The following CDH4 variants were observed in gnomAD, a reference collection of about 807,000 sequenced individuals.
CDH4 encodes the protein cadherin-4.
In CDH4, 33 loss-of-function variants were observed where a neutral mutation model predicts 86.0. The ratio of observed to expected loss-of-function variants is 0.38; its 90% CI spans 0.29 to 0.51. The LOEUF (loss-of-function observed/expected upper bound fraction) is 0.51, where lower values mean the gene tolerates loss of function less well. Among genes scored for constraint, CDH4 ranks in the 20% least tolerant of loss-of-function variants. The pLI is 0.86. For synonymous variants in CDH4, 555 were observed against 549.4 expected (o/e 1.01, Z -0.14); for missense variants, 1,114 against 1,307.4 (o/e 0.85, Z 2.28).
intron 2 of CDH4, among the ~76,000 whole-genome samples, chr20:61,534,247 G>T (rs2085977226): frequency 6.6e-6 from 1 of 152,190 alleles, no homozygotes; most frequent in South Asian, 2.1e-4. Flanking sequence ...GATTGAGAGT[G>T]TTCCATTTTT....
chr20:61,706,163 G>A (rs1036110764), intron 2 of CDH4, among the ~76,000 whole-genome samples: 1 of 152,194 alleles, frequency 6.6e-6, no homozygotes, highest in Non-Finnish European at 1.5e-5. Flanking sequence ...CTCGGCAACT[G>A]TTCTCTGTAA....
At chr20:61,634,856 T>C (rs2086930710) in intron 2 of CDH4, among the ~76,000 whole-genome samples, 1 of 152,210 alleles carries the variant, frequency 6.6e-6, no homozygotes, top group African/African-American at 2.4e-5. Flanking sequence ...CCACTGTCCG[T>C]CTCTGTGATT....
chr20:61,321,753 A>G (rs2084509676), intron 2 of CDH4, among the ~76,000 whole-genome samples: 1 of 152,208 alleles, frequency 6.6e-6, no homozygotes, highest in Non-Finnish European at 1.5e-5. Context: ...CGCATGTCAC[A>G]TGATGCCGTG....
chr20:61,911,462 G>A (rs562785641), intron 9 of CDH4, among the ~76,000 whole-genome samples: 1 of 152,316 alleles, frequency 6.6e-6, no homozygotes, highest in South Asian at 2.1e-4. Context: ...TTAGTGTGAA[G>A]AAGTTTAGCA....
intron 2 of CDH4, among the ~76,000 whole-genome samples, chr20:61,304,500 T>C (rs1368189244): frequency 6.6e-6 from 1 of 151,624 alleles, no homozygotes. Context: ...TGTGAATGTG[T>C]GTGTATGTGC....
chr20:61,285,581 A>G (rs956222272), intron 2 of CDH4, among the ~76,000 whole-genome samples: 1 of 152,272 alleles, frequency 6.6e-6, no homozygotes, highest in Non-Finnish European at 1.5e-5. Context: ...TGATGGCACC[A>G]TAATGATGAC....
At chr20:61,442,633 G>A (rs142612354) in intron 2 of CDH4, among the ~76,000 whole-genome samples, 2 of 152,360 alleles carry the variant, frequency 1.3e-5, no homozygotes, top group African/African-American at 4.8e-5. Context: ...AAGGCAAAAC[G>A]TGGGGTGCTT....
At chr20:61,468,255 C>T (rs1049882562) in intron 2 of CDH4, among the ~76,000 whole-genome samples, 2 of 152,130 alleles carry the variant, frequency 1.3e-5, no homozygotes, top group African/African-American at 4.8e-5. Flanking sequence ...CCCAAGGTGC[C>T]CAGGGAAAGA....
intron 2 of CDH4, among the ~76,000 whole-genome samples, chr20:61,382,302 T>G (rs6587242): frequency 0.25 from 37,467 of 151,920 alleles, 4,998 homozygotes; most frequent in African/African-American, 0.34. Flanking sequence ...TATGGAAAGG[T>G]AGGTGGTGTG....
chr20:61,910,537 G>A lies in CDH4; in HGVS notation c.1304G>A (p.Gly435Glu). 2 of 1,613,980 alleles carry A rather than the reference G, an allele frequency of 1.2e-6. No homozygotes were observed. The highest frequency in any genetic ancestry group is 1.7e-6 in the Non-Finnish European group (2 of 1,180,036). ...NWNAVYRIIS[G>E]DPSGHFSVRT... ...AATGCCGTTTACCGCATCATCAGTG[G>A]GGATCCATCCGGGCACTTCAGCGTC... The change falls in exon 9 of 16, where the codon GGG (glycine) becomes GAG (glutamate). Residue 435 changes from glycine (G) to glutamate (E), a missense_variant. Gly to Glu is a moderately conservative substitution (Grantham distance 98). Around this residue, in one of 3 missense-constraint regions of CDH4, gnomAD observed 705 missense variants for 914.1 expected, o/e 0.77. Transcript: ENST00000614565.
chr20:61,544,270 C>T lies in CDH4; in HGVS notation c.170-199293C>T, dbSNP rs550404174. ...GTATATGGCGGGGTACGGCTGACAT[C>T]GAGCGGGTGGAGGCTGGGTACGGCT... On this transcript the variant is annotated intron_variant, in intron 2 of 15. Transcript: ENST00000614565. The surrounding 1 kb of genome is among the most constrained non-coding windows in gnomAD (Gnocchi z 6.5). Among the ~76,000 whole-genome samples the T allele has an allele frequency of 2.0e-5, 3 of 152,138 alleles. No individual in the cohort carries two copies. Among genetic ancestry groups the T allele is most frequent in the Middle Eastern group, 3.4e-3 (1 of 294 alleles).
chr20:61,511,522 C>T (rs573093929), intron 2 of CDH4, among the ~76,000 whole-genome samples: 1 of 152,360 alleles, frequency 6.6e-6, no homozygotes, highest in East Asian at 1.9e-4. Flanking sequence ...AGAAAAAGAT[C>T]CTCAAAGAAG....
At chr20:61,422,290 A>G (rs779465112) in intron 2 of CDH4, among the ~76,000 whole-genome samples, 3 of 132,096 alleles carry the variant, frequency 2.3e-5, no homozygotes, top group Non-Finnish European at 3.2e-5. Flanking sequence ...CAGGCGTGGT[A>G]GTGCATGCCT....
intron 2 of CDH4, among the ~76,000 whole-genome samples, chr20:61,317,820 C>G (rs2084485284): frequency 6.6e-6 from 1 of 152,170 alleles, no homozygotes; most frequent in Non-Finnish European, 1.5e-5. Flanking sequence ...TGTGGGTGTC[C>G]AGCCAGCCAG....
intron 2 of CDH4, among the ~76,000 whole-genome samples, chr20:61,611,095 G>A (rs1298217838): frequency 6.6e-6 from 1 of 152,004 alleles, no homozygotes; most frequent in Non-Finnish European, 1.5e-5. Context: ...GTGGAGGCTG[G>A]AGAGCCTGGT....
rs146362706 is a variant in CDH4 at position 61,610,123 on chromosome 20, G to A, written c.170-133440G>A. Reference sequence around the variant, plus strand: ...CACTTGATGTTTGTACCCATGAACCGACCTCTCTTTATTCCTCTCAACCCC... The same window carrying A: ...CACTTGATGTTTGTACCCATGAACCAACCTCTCTTTATTCCTCTCAACCCC... On this transcript the variant is annotated intron_variant, in intron 2 of 15. Transcript: ENST00000614565. Among the ~76,000 whole-genome samples, 18 of 152,020 alleles carry A rather than the reference G, an allele frequency of 1.2e-4. No individual in the cohort carries two copies. The East Asian group carries it at 2.7e-3, about 23-fold the overall frequency.
intron 2 of CDH4, among the ~76,000 whole-genome samples, chr20:61,707,254 A>G (rs1374975954): frequency 6.6e-6 from 1 of 152,260 alleles, no homozygotes; most frequent in Non-Finnish European, 1.5e-5. Flanking sequence ...GGAGCCTGGC[A>G]TGGTCCTATG....
intron 8 of CDH4, among the ~76,000 whole-genome samples, chr20:61,903,531 G>A (rs1323327277): frequency 2.0e-5 from 1 of 51,002 alleles, no homozygotes; most frequent in Non-Finnish European, 3.3e-5. Flanking sequence ...GGCAGCAGAA[G>A]AGACTCCATA....
chr20:61,320,989 G>T (rs1441775712), intron 2 of CDH4, among the ~76,000 whole-genome samples: 1 of 152,108 alleles, frequency 6.6e-6, no homozygotes, highest in Admixed American at 6.5e-5. Flanking sequence ...CTCTCCTCCA[G>T]GCTGGCTCTG....
Sources: allele counts gnomAD v4.1 joint callset (sites outside exome capture counted in the v4.1 genomes callset), GRCh38; gene constraint gnomAD v4.1.1; regional missense constraint gnomAD v4.1.1; non-coding constraint Gnocchi (gnomAD v3.1); transcripts MANE v1.5; gene names NCBI Gene and HGNC (gene_info 2026-07-23, HGNC 2026-07-21).